Variants in NIPAL4 observed in about 807,000 individuals in gnomAD.
The protein encoded by NIPAL4 is NIPA like domain containing 4.
In NIPAL4, 21 loss-of-function variants were observed where a neutral mutation model predicts 31.6. The observed-to-expected ratio is 0.67, with a 90% CI of 0.47 to 0.96. NIPAL4 has a LOEUF of 0.96. NIPAL4 is among the 40% of genes least tolerant of loss of function. NIPAL4 has a pLI of 0.00. For synonymous variants in NIPAL4, 175 were observed against 211.1 expected (o/e 0.83, Z 1.48); for missense variants, 438 against 508.0 (o/e 0.86, Z 1.32).
chr5:157,471,215 G>C (rs975875589), intron 4 of NIPAL4, among the ~76,000 whole-genome samples: 2 of 152,164 alleles, frequency 1.3e-5, no homozygotes, highest in Non-Finnish European at 2.9e-5. Context: ...TGGCCTCTTA[G>C]AACCTGGTGA....
chr5:157,470,025 G>A lies in NIPAL4; in HGVS notation c.425+1213G>A, dbSNP rs140185938. Among the ~76,000 whole-genome samples, 87 of 152,246 alleles carry A rather than the reference G, an allele frequency of 5.7e-4. 2 individuals carry two copies. The East Asian group carries it at 6.9e-3, about 12-fold the overall frequency. The stretch of plus-strand genomic sequence containing the variant: ...AATAATCTCTTGAATGGGACATTGC[G>A]GCCAAAATATTTTTGGTAGTTTCAG... On this transcript the variant is annotated intron_variant, in intron 4 of 5. Transcript: ENST00000311946.
At chr5:157,469,753 T>G (rs1391769908) in intron 4 of NIPAL4, among the ~76,000 whole-genome samples, 3 of 152,220 alleles carry the variant, frequency 2.0e-5, no homozygotes, top group Admixed American at 1.3e-4. Flanking sequence ...CGGTAAATTG[T>G]AGCAGACCAC....
intron 4 of NIPAL4, 63 bp from the exon 5 acceptor site, chr5:157,471,594 T>G: frequency 7.3e-7 from 1 of 1,365,832 alleles, no homozygotes. Flanking sequence ...CAGGCCCCAT[T>G]TTCTTTGGGA....
rs1395538977 is a variant in NIPAL4, at chr5:157,473,979, G to A, written c.*1019G>A. 6.6e-6 allele frequency: 1 copy of A among 152,280 alleles called. No individual in the cohort carries two copies. The allele number at this position is 152,280 out of a possible 1,614,324, so 9.4% of individuals were successfully genotyped here. ...GTCCCAGGCTCTCTGGATACTAGGGGCTAACTTTTGTGTTGACTCTGGTGC... is the reference window on the plus strand; with the variant it reads ...GTCCCAGGCTCTCTGGATACTAGGGACTAACTTTTGTGTTGACTCTGGTGC... On this transcript the variant is annotated 3_prime_UTR_variant, in exon 6 of 6. Transcript: ENST00000311946.
At chr5:157,471,875 C>A in intron 5 of NIPAL4, 58 bp downstream of exon 5, 1 of 1,379,648 alleles carries the variant, frequency 7.2e-7, no homozygotes, top group Non-Finnish European at 1.0e-6. Context: ...CCCCCTACTA[C>A]CCCACAAAAG....
Position 157,463,082 on chromosome 5 carries a change from C to T in NIPAL4, c.38-12C>T. The T allele has an allele frequency of 6.2e-7, 1 of 1,613,652 alleles. No homozygotes were observed. Among genetic ancestry groups the T allele is most frequent in the Non-Finnish European group, 8.5e-7 (1 of 1,179,602 alleles). On this transcript the variant is annotated splice_polypyrimidine_tract_variant and intron_variant, in intron 1 of 5. Transcript: ENST00000311946. ...CCCAGTGTGACTCTCTCACTGTGGT[C>T]TTCCCATCCAGGTTCCCTGCTCCAC...
At chr5:157,460,642 C>T in intron 1 of NIPAL4, 1 of 626,904 alleles carries the variant, frequency 1.6e-6, no homozygotes, top group South Asian at 1.5e-5. Flanking sequence ...ACAGCAGACA[C>T]CCTGAGAGGT....
Position 157,473,592 on chromosome 5 carries a change from T to C in NIPAL4, c.*632T>C. 1 of 152,416 alleles carries C rather than the reference T, an allele frequency of 6.6e-6. No individual in the cohort carries two copies. Among genetic ancestry groups the C allele is most frequent in the Non-Finnish European group, 1.5e-5 (1 of 68,100 alleles). The allele number at this position is 152,416 out of a possible 1,614,324, so 9.4% of individuals were successfully genotyped here. On this transcript the variant is annotated 3_prime_UTR_variant, in exon 6 of 6. Coordinates refer to ENST00000311946, the MANE Select transcript of NIPAL4 (RefSeq NM_001099287.2). Reference sequence around the variant, plus strand: ...GTCTCAGGGAAAAATTTCAACCAGCTCATTCCCCGAGCACTCCAGCCTGGC... The same window carrying C: ...GTCTCAGGGAAAAATTTCAACCAGCCCATTCCCCGAGCACTCCAGCCTGGC...
chr5:157,460,396 C>T (rs1213773733), intron 1 of NIPAL4, 39 bp downstream of exon 1: 4 of 1,512,772 alleles, frequency 2.6e-6, no homozygotes, highest in East Asian at 4.9e-5. Flanking sequence ...GGGCTCCGCG[C>T]TTCGCGCCCT....
chr5:157,471,086 C>G (rs913350116), intron 4 of NIPAL4, among the ~76,000 whole-genome samples: 2 of 152,162 alleles, frequency 1.3e-5, no homozygotes, highest in African/African-American at 4.8e-5. Context: ...ACAGATATTT[C>G]GTATGAACTG....
rs1418463497 is a variant in NIPAL4 at position 157,472,425 on chromosome 5, ACAT to A, written c.688_690del (p.Ile230del). The A allele has an allele frequency of 1.2e-6, 2 of 1,613,186 alleles. No homozygotes were observed. The highest frequency in any genetic ancestry group is 4.5e-5 in the East Asian group (2 of 44,866). ...TACGGGCAAAGGAATATCCTCATCT[ACAT>A]CATCATCTGCTCTGTGATCGGGGCC... On this transcript the variant is annotated inframe_deletion, in exon 6 of 6. Coordinates refer to ENST00000311946, the MANE Select transcript of NIPAL4 (RefSeq NM_001099287.2).
chr5:157,474,034 A>G lies in NIPAL4; in HGVS notation c.*1074A>G, dbSNP rs887292013. On this transcript the variant is annotated 3_prime_UTR_variant, in exon 6 of 6. Coordinates refer to ENST00000311946, the MANE Select transcript of NIPAL4 (RefSeq NM_001099287.2). ...CTGGGAACTTAGGAGAAACGAGCTCAGGGGTAATTTCTGGGTTGCAGCCTT... is the reference window on the plus strand; with the variant it reads ...CTGGGAACTTAGGAGAAACGAGCTCGGGGGTAATTTCTGGGTTGCAGCCTT... The G allele has an allele frequency of 1.3e-5, 2 of 152,298 alleles. No homozygotes were observed. The highest frequency in any genetic ancestry group is 4.8e-5 in the African/African-American group (2 of 41,468). The allele number at this position is 152,298 out of a possible 1,614,324, so 9.4% of individuals were successfully genotyped here. A position where few individuals can be genotyped will look rare whatever the true frequency, so the allele number is the denominator to read the frequency against.
intron 1 of NIPAL4, among the ~76,000 whole-genome samples, chr5:157,460,851 AGT>A (rs988195798): frequency 6.6e-6 from 1 of 152,108 alleles, no homozygotes; most frequent in Admixed American, 6.5e-5. Flanking sequence ...TAAAGCAGGT[AGT>A]GGACTAGGCC....
rs1264741037 is a variant in NIPAL4 at position 157,468,594 on chromosome 5, C to G, written c.335-128C>G. On this transcript the variant is annotated intron_variant, in intron 3 of 5. Coordinates refer to ENST00000311946, the MANE Select transcript of NIPAL4 (RefSeq NM_001099287.2). Reference sequence around the variant, plus strand: ...TCGATCAGACTCTCCAGGGAGAGAGCGTATGGATCAAGATTTTAAGGAATG... The same window carrying G: ...TCGATCAGACTCTCCAGGGAGAGAGGGTATGGATCAAGATTTTAAGGAATG... 1.0e-5 allele frequency: 7 copies of G among 679,452 alleles called. No homozygotes were observed. In the Admixed American group the frequency reaches 1.3e-4, roughly 12 times the overall value. The allele number at this position is 679,452 out of a possible 1,614,324, so 42.1% of individuals were successfully genotyped here. A position where few individuals can be genotyped will look rare whatever the true frequency, so the allele number is the denominator to read the frequency against.
chr5:157,467,170 G>C (rs549303459), intron 3 of NIPAL4, 65 bp downstream of exon 3: 4 of 1,096,474 alleles, frequency 3.6e-6, no homozygotes, highest in Non-Finnish European at 4.2e-6. Context: ...ACAAAGGGAG[G>C]GGTGGGTAGG....
chr5:157,472,543 C>CCTGTCCCTCATCCTGGCA lies in NIPAL4; in HGVS notation c.809_826dup (p.Ile270_Leu275dup). On this transcript the variant is annotated inframe_insertion, in exon 6 of 6. Transcript: ENST00000311946. ...TTGTCCGGCACCCGCTCCCCTACAT[C>CCTGTCCCTCATCCTGGCA]CTGTCCCTCATCCTGGCACTGTCCC... The CCTGTCCCTCATCCTGGCA allele has an allele frequency of 1.2e-6, 2 of 1,613,972 alleles. No individual in the cohort carries two copies. The highest frequency in any genetic ancestry group is 1.7e-6 in the Non-Finnish European group (2 of 1,179,890).
At chr5:157,466,651 GT>G (rs781513500) in intron 2 of NIPAL4, among the ~76,000 whole-genome samples, 3 of 152,194 alleles carry the variant, frequency 2.0e-5, no homozygotes, top group Non-Finnish European at 4.4e-5. Context: ...GGAGAGAAGA[GT>G]CAAAGAGCAA....
intron 2 of NIPAL4, among the ~76,000 whole-genome samples, chr5:157,464,247 G>C (rs1239699909): frequency 2.0e-5 from 3 of 152,184 alleles, no homozygotes; most frequent in Admixed American, 2.0e-4. Context: ...GAGAGAACTT[G>C]AGTGATACTA....
chr5:157,472,787 C>T lies in NIPAL4; in HGVS notation c.1042C>T (p.Leu348=). Residue 348 remains leucine (L), a synonymous_variant, in exon 6 of 6, where the codon CTG becomes TTG. Transcript: ENST00000311946. ...GVFMLHAFKD[L]DISCASLPHM... is the part of the protein sequence containing the mutation. ...GTTCATGCTGCATGCTTTCAAAGAC[C>T]TGGACATCAGCTGCGCCAGCTTGCC... 6.2e-7 allele frequency: 1 copy of T among 1,609,028 alleles called. No individual in the cohort carries two copies. The highest frequency in any genetic ancestry group is 8.5e-7 in the Non-Finnish European group (1 of 1,175,574).
Sources: gnomAD v4.1 joint callset for allele counts (sites outside exome capture counted in the v4.1 genomes callset) on GRCh38, gnomAD v4.1.1 for gene constraint, MANE v1.5 for transcripts, NCBI Gene and HGNC (gene_info 2026-07-23, HGNC 2026-07-21) for gene names.